AGBL4: variants seen among roughly 807,000 people sequenced by gnomAD.
The protein encoded by AGBL4 is AGBL carboxypeptidase 4.
Under a neutral mutation model 66.4 loss-of-function variants are expected in AGBL4, and 58 were observed. That is an observed-to-expected ratio of 0.87 (90% CI 0.71 to 1.09). AGBL4 has a LOEUF of 1.09. Ranked by LOEUF, AGBL4 falls within the 50% of genes least tolerant of loss-of-function variation. The probability of loss-of-function intolerance (pLI) is 0.00; values close to 1 mark genes in which losing one functional copy is unlikely to be tolerated. For synonymous variants in AGBL4, 234 were observed against 222.9 expected (o/e 1.05, Z -0.44); for missense variants, 579 against 631.0 (o/e 0.92, Z 0.88).
intron 3 of AGBL4, among the ~76,000 whole-genome samples, chr1:49,266,675 T>A (rs1170613299): frequency 2.0e-5 from 3 of 151,340 alleles, no homozygotes; most frequent in Non-Finnish European, 2.9e-5. Flanking sequence ...GAGAGGTGAA[T>A]TTTTGCTGAG....
intron 5 of AGBL4, among the ~76,000 whole-genome samples, chr1:48,974,159 GA>G: frequency 6.6e-6 from 1 of 151,952 alleles, no homozygotes; most frequent in Non-Finnish European, 1.5e-5. Flanking sequence ...TAAAGGGAAA[GA>G]AGGACGAAAG....
At chr1:48,763,069 C>A (rs1231433038) in intron 6 of AGBL4, among the ~76,000 whole-genome samples, 1 of 151,108 alleles carries the variant, frequency 6.6e-6, no homozygotes, top group East Asian at 2.0e-4. Flanking sequence ...ATTTTCTTCT[C>A]TTAAGCATAA....
intron 3 of AGBL4, among the ~76,000 whole-genome samples, chr1:49,400,507 T>G (rs1645062011): frequency 6.6e-6 from 1 of 152,184 alleles, no homozygotes; most frequent in Non-Finnish European, 1.5e-5. Context: ...TCTTTCCAAT[T>G]CATAAACATG....
chr1:49,537,644 G>C (rs982119862), intron 3 of AGBL4, among the ~76,000 whole-genome samples: 4 of 152,184 alleles, frequency 2.6e-5, no homozygotes, highest in Non-Finnish European at 5.9e-5. Context: ...AAGTCAGCAG[G>C]CTGGGCATGG....
At chr1:49,572,207 C>T in intron 3 of AGBL4, among the ~76,000 whole-genome samples, 1 of 152,074 alleles carries the variant, frequency 6.6e-6, no homozygotes. Context: ...TATGGGGCTT[C>T]TTTTTGTTCA....
At chr1:48,776,571 C>CCG in intron 6 of AGBL4, 1 of 1,363,740 alleles carries the variant, frequency 7.3e-7, no homozygotes, top group Non-Finnish European at 9.5e-7. Flanking sequence ...AGCCCCCGCC[C>CCG]GGGTCCCACC....
chr1:49,003,971 C>T (rs1430746841), intron 5 of AGBL4, among the ~76,000 whole-genome samples: 1 of 152,150 alleles, frequency 6.6e-6, no homozygotes, highest in Non-Finnish European at 1.5e-5. Flanking sequence ...TGGTTTCTTA[C>T]CAAATTTGAT....
chr1:49,877,105 C>G (rs946275144), intron 1 of AGBL4, among the ~76,000 whole-genome samples: 3 of 151,682 alleles, frequency 2.0e-5, no homozygotes, highest in East Asian at 3.9e-4. Context: ...CGTCTGCAAA[C>G]AGGGACAATT....
chr1:49,270,513 T>A (rs944142015), intron 3 of AGBL4, among the ~76,000 whole-genome samples: 3 of 152,132 alleles, frequency 2.0e-5, no homozygotes, highest in African/African-American at 7.2e-5. Flanking sequence ...CTCTACATGG[T>A]GTTACAAATT....
intron 2 of AGBL4, among the ~76,000 whole-genome samples, chr1:49,848,847 A>G (rs1646226439): frequency 6.6e-6 from 1 of 152,254 alleles, no homozygotes; most frequent in Non-Finnish European, 1.5e-5. Flanking sequence ...TATATCCAAC[A>G]GCAGAAAGTC....
At chr1:49,064,352 C>T (rs1364716926) in intron 4 of AGBL4, among the ~76,000 whole-genome samples, 1 of 152,186 alleles carries the variant, frequency 6.6e-6, no homozygotes, top group African/African-American at 2.4e-5. Context: ...CTTGCCAAAG[C>T]ACATGCACTA....
rs141436827 is a variant in AGBL4 at position 49,444,650 on chromosome 1, C to T, written c.283-198786G>A. ...AGTATCTTTTTCCATCCCTTTACTT[C>T]TAGTCTATATGCATTTTACTGGTAA... On this transcript the variant is annotated intron_variant, in intron 3 of 13. Transcript: ENST00000371839. Among the ~76,000 whole-genome samples, 581 of 151,912 alleles carry T rather than the reference C, an allele frequency of 3.8e-3. 1 individual carries two copies. Among genetic ancestry groups the T allele is most frequent in the Non-Finnish European group, 5.2e-3 (351 of 67,902 alleles).
At chr1:49,281,166 T>C (rs1160791600) in intron 3 of AGBL4, among the ~76,000 whole-genome samples, 2 of 152,234 alleles carry the variant, frequency 1.3e-5, no homozygotes, top group Non-Finnish European at 2.9e-5. Context: ...AAGCAACTTC[T>C]TGTTTTGGTC....
chr1:48,975,022 T>C (rs1031222422), intron 5 of AGBL4, among the ~76,000 whole-genome samples: 2 of 152,074 alleles, frequency 1.3e-5, no homozygotes, highest in Non-Finnish European at 1.5e-5. Context: ...GCTACAATAT[T>C]ATAAGGAGGA....
chr1:49,619,657 G>A (rs965598348), intron 3 of AGBL4, among the ~76,000 whole-genome samples: 7 of 152,066 alleles, frequency 4.6e-5, no homozygotes, highest in Non-Finnish European at 1.5e-5. Flanking sequence ...AGTCTGTATA[G>A]CGAAGACAAT....
At chr1:48,794,710 G>A (rs1255499888) in intron 6 of AGBL4, among the ~76,000 whole-genome samples, 2 of 152,110 alleles carry the variant, frequency 1.3e-5, no homozygotes, top group Non-Finnish European at 2.9e-5. Flanking sequence ...CAGTCTCCAT[G>A]TAGGCTCCAC....
chr1:49,678,151 C>A (rs1307107823), intron 3 of AGBL4, among the ~76,000 whole-genome samples: 1 of 152,114 alleles, frequency 6.6e-6, no homozygotes, highest in Non-Finnish European at 1.5e-5. Flanking sequence ...AGTTATAGAG[C>A]TATTCAAATT....
intron 3 of AGBL4, among the ~76,000 whole-genome samples, chr1:49,664,753 T>C (rs1646330561): frequency 6.6e-6 from 1 of 152,114 alleles, no homozygotes; most frequent in South Asian, 2.1e-4. Context: ...TTGCTTTTAG[T>C]TAAGAATTTT....
chr1:49,412,172 G>C lies in AGBL4; in HGVS notation c.283-166308C>G, dbSNP rs1327637971. On this transcript the variant is annotated intron_variant, in intron 3 of 13. Coordinates refer to ENST00000371839, the MANE Select transcript of AGBL4 (RefSeq NM_032785.4). ...TGGGCTTCTATAACAAAGTACCATA[G>C]ACTGGGTGGCTTATAAACACCAAAA... 2.0e-5 allele frequency among the ~76,000 whole-genome samples: 3 copies of C among 152,162 alleles called. No homozygotes were observed. The East Asian group carries it at 5.8e-4, about 29-fold the overall frequency.
Sources: allele counts gnomAD v4.1 joint callset (sites outside exome capture counted in the v4.1 genomes callset), GRCh38; gene constraint gnomAD v4.1.1; transcripts MANE v1.5; gene names NCBI Gene and HGNC (gene_info 2026-07-23, HGNC 2026-07-21).